ITGB5: variants seen among roughly 807,000 people sequenced by gnomAD.
ITGB5 encodes integrin beta-5.
A neutral mutation model predicts 84.8 loss-of-function variants in ITGB5; 38 were observed. The ratio of observed to expected loss-of-function variants is 0.45; its 90% CI spans 0.35 to 0.59. The LOEUF is 0.59. ITGB5 is among the 20% of genes least tolerant of loss of function. The probability of loss-of-function intolerance (pLI) is 0.01; values close to 1 mark genes in which losing one functional copy is unlikely to be tolerated. For synonymous variants in ITGB5, 393 were observed against 414.4 expected, an observed-to-expected ratio of 0.95 and a Z score of 0.63; for missense variants, 905 against 1,034.5, an observed-to-expected ratio of 0.87 and a Z score of 1.72.
chr3:124,767,936 G>C (rs532211866), intron 12 of ITGB5, among the ~76,000 whole-genome samples: 70 of 152,282 alleles, frequency 4.6e-4, no homozygotes, highest in African/African-American at 1.6e-3. Context: ...AGGCATGGTG[G>C]CACATGCCTG....
chr3:124,865,474 C>CTTTT (rs1559977008), intron 2 of ITGB5, among the ~76,000 whole-genome samples: 30 of 57,844 alleles, frequency 5.2e-4, no homozygotes, highest in African/African-American at 7.0e-4. Context: ...TCCTTTGCGG[C>CTTTT]TTTTTTCTTT....
At chr3:124,795,110 G>A (rs574080537) in intron 10 of ITGB5, among the ~76,000 whole-genome samples, 3 of 152,306 alleles carry the variant, frequency 2.0e-5, no homozygotes, top group South Asian at 2.1e-4. Context: ...GCTTTTAGAT[G>A]TTTGACAGGT....
intron 8 of ITGB5, among the ~76,000 whole-genome samples, chr3:124,810,395 T>C (rs2064479822): frequency 6.6e-6 from 1 of 152,204 alleles, no homozygotes; most frequent in Admixed American, 6.5e-5. Flanking sequence ...TGGTGCTGGA[T>C]ACTCAGGTTT....
chr3:124,873,384 C>T, intron 2 of ITGB5, 62 bp downstream of exon 2: 1 of 1,145,836 alleles, frequency 8.7e-7, no homozygotes, highest in Admixed American at 1.7e-5. Context: ...GTGTTGGCCT[C>T]CTTCTCACCC....
intron 13 of ITGB5, 72 bp from the exon 14 acceptor site, chr3:124,764,629 T>C: frequency 6.8e-7 from 1 of 1,481,268 alleles, no homozygotes; most frequent in Admixed American, 1.9e-5. Context: ...CTGCAGGCAT[T>C]TCTGAGATGA....
rs1256214801 is a variant in ITGB5 at position 124,848,545 on chromosome 3, G to A, written c.375C>T (p.Thr125=). The change falls in exon 4 of 15, where the codon ACC becomes ACT. Residue 125 remains threonine, a synonymous_variant. Coordinates refer to ENST00000296181, the MANE Select transcript of ITGB5 (RefSeq NM_002213.5). ...AVNLRPGDKT[T]FQLQVRQVED... is the part of the protein sequence containing the mutation. ...CCACCTGGCGAACCTGTAGCTGGAAGGTGGTCTTGTCACCTGCACCAACAG... is the reference window on the plus strand; with the variant it reads ...CCACCTGGCGAACCTGTAGCTGGAAAGTGGTCTTGTCACCTGCACCAACAG... 1 of 1,612,020 alleles carries A rather than the reference G, an allele frequency of 6.2e-7. No individual in the cohort carries two copies. The highest frequency in any genetic ancestry group is 1.3e-5 in the African/African-American group (1 of 74,912).
intron 9 of ITGB5, among the ~76,000 whole-genome samples, chr3:124,804,902 G>C (rs2064371280): frequency 6.6e-6 from 1 of 151,560 alleles, no homozygotes; most frequent in African/African-American, 2.4e-5. Flanking sequence ...CCTGACCTCA[G>C]GTGATCCACC....
intron 3 of ITGB5, 112 bp downstream of exon 3, chr3:124,859,130 G>C (rs1341293085): frequency 2.0e-6 from 2 of 989,784 alleles, no homozygotes; most frequent in Non-Finnish European, 3.0e-6. Context: ...TCACCATCTC[G>C]TGGCTCTGAT....
chr3:124,774,020 C>A, intron 10 of ITGB5, 108 bp from the exon 11 acceptor site: 2 of 963,692 alleles, frequency 2.1e-6, no homozygotes, highest in South Asian at 1.6e-5. Flanking sequence ...GAATGGAACA[C>A]CAACTCTGCC....
At chr3:124,825,129 A>G (rs1196329962) in intron 5 of ITGB5, among the ~76,000 whole-genome samples, 3 of 151,576 alleles carry the variant, frequency 2.0e-5, no homozygotes, top group African/African-American at 7.3e-5. Flanking sequence ...CCTGGGAGGC[A>G]CAGTTTGCAG....
intron 8 of ITGB5, 86 bp from the exon 9 acceptor site, chr3:124,809,242 G>A: frequency 6.8e-7 from 1 of 1,476,526 alleles, no homozygotes; most frequent in Admixed American, 1.8e-5. Flanking sequence ...AGGCCCACGT[G>A]GCTTCCTCTA....
At chr3:124,764,020 C>A (rs573993296) in intron 14 of ITGB5, among the ~76,000 whole-genome samples, 2 of 152,344 alleles carry the variant, frequency 1.3e-5, no homozygotes, top group African/African-American at 4.8e-5. Context: ...GCGCTCAGTC[C>A]TCTGGGCATT....
intron 5 of ITGB5, among the ~76,000 whole-genome samples, chr3:124,824,377 A>C (rs1365004554): frequency 6.6e-6 from 1 of 152,200 alleles, no homozygotes; most frequent in Non-Finnish European, 1.5e-5. Context: ...TCACACACAA[A>C]AATTAACTCA....
At chr3:124,803,986 C>T (rs114015575) in intron 9 of ITGB5, among the ~76,000 whole-genome samples, 3,459 of 152,306 alleles carry the variant, frequency 0.023, 133 homozygotes, top group African/African-American at 0.078. Flanking sequence ...CCACAGACCA[C>T]TCATTGTCTA....
At chr3:124,876,229 T>C (rs867725176) in intron 1 of ITGB5, among the ~76,000 whole-genome samples, 2 of 152,236 alleles carry the variant, frequency 1.3e-5, no homozygotes, top group Middle Eastern at 6.8e-3. Context: ...ACTACAAATA[T>C]ATACATATAA....
chr3:124,818,502 C>CTTTTTTTTT (rs143582866), intron 7 of ITGB5, among the ~76,000 whole-genome samples: 1 of 68,192 alleles, frequency 1.5e-5, no homozygotes, highest in Non-Finnish European at 2.7e-5. Context: ...AGTGCATAGG[C>CTTTTTTTTT]TTTTTTTTTT....
At chr3:124,861,493 T>TACACACACACACAC (rs1397985645) in intron 2 of ITGB5, among the ~76,000 whole-genome samples, 24 of 84,960 alleles carry the variant, frequency 2.8e-4, no homozygotes, top group South Asian at 7.0e-4. Context: ...TATATATATA[T>TACACACACACACAC]ATACACACAC....
At chr3:124,803,518 C>T (rs568444478) in intron 9 of ITGB5, among the ~76,000 whole-genome samples, 1 of 152,288 alleles carries the variant, frequency 6.6e-6, no homozygotes, top group Non-Finnish European at 1.5e-5. Flanking sequence ...CAAACAAATA[C>T]AATTTGCTCT....
rs147034779 is a variant in ITGB5 at position 124,858,042 on chromosome 3, G to A, written c.361+1200C>T. 6.1e-3 allele frequency among the ~76,000 whole-genome samples: 930 copies of A among 151,450 alleles called. 11 individuals are homozygous for A. Among genetic ancestry groups the A allele is most frequent in the African/African-American group, 0.021 (849 of 41,228 alleles). ...CCAGCTATTAGGGAGGCTGAGGCAG[G>A]AGAATCTCTTGAACCCGGGAGGTGA... is the stretch of plus-strand genomic sequence containing the variant. On this transcript the variant is annotated intron_variant, in intron 3 of 14. Coordinates refer to ENST00000296181, the MANE Select transcript of ITGB5 (RefSeq NM_002213.5).
Sources: allele counts gnomAD v4.1 joint callset (sites outside exome capture counted in the v4.1 genomes callset), GRCh38; gene constraint gnomAD v4.1.1; transcripts MANE v1.5; gene names NCBI Gene and HGNC (gene_info 2026-07-23, HGNC 2026-07-21).